Variants in SPATA33 observed in about 807,000 individuals in gnomAD.
SPATA33 encodes spermatogenesis-associated protein 33.
Under a neutral mutation model 8.9 loss-of-function variants are expected in SPATA33, and 10 were observed. The observed-to-expected ratio is 1.12, with a 90% CI of 0.69 to 1.90. The LOEUF (loss-of-function observed/expected upper bound fraction) is 1.90, where lower values mean the gene tolerates loss of function less well. Among genes scored for constraint, SPATA33 ranks in the 40% most tolerant of loss-of-function variants. The probability of loss-of-function intolerance (pLI) is 0.00; values close to 1 mark genes in which losing one functional copy is unlikely to be tolerated. For missense variants in SPATA33, 241 were observed against 178.3 expected (o/e 1.35, Z -2.00); for synonymous variants, 96 against 72.8 (o/e 1.32, Z -1.63).
rs541395243 is a variant in SPATA33 at position 89,669,457 on chromosome 16, C to T, written c.383C>T (p.Pro128Leu). ...DWGPYRRHRNPSTADAYNSHL... is the reference protein window; with the variant it reads ...DWGPYRRHRNLSTADAYNSHL... ...GGCCCCTACCGGCGGCACAGGAACCCCAGTACAGCAGACGCCTATAATTCA... is the reference window on the plus strand; with the variant it reads ...GGCCCCTACCGGCGGCACAGGAACCTCAGTACAGCAGACGCCTATAATTCA... The change falls in exon 3 of 3, where the codon CCC becomes CTC. Residue 128 changes from proline (P) to leucine (L), a missense_variant. Physicochemically the swap from Pro to Leu is moderately conservative, Grantham distance 98. Transcript: ENST00000579310. The T allele has an allele frequency of 6.2e-6, 10 of 1,613,680 alleles. No homozygotes were observed. The South Asian group carries it at 1.1e-4, about 18-fold the overall frequency.
At position 89,669,793 on chromosome 16, in the gene SPATA33, A is replaced by C. The variant is rs1407632561; in HGVS notation, c.*296A>C. 7.2e-6 allele frequency: 3 copies of C among 415,076 alleles called. No homozygotes were observed. Among genetic ancestry groups the C allele is most frequent in the Non-Finnish European group, 1.3e-5 (3 of 228,248 alleles). 25.7% of individuals were successfully genotyped at this position (415,076 alleles called of 1,614,324 possible). On this transcript the variant is annotated 3_prime_UTR_variant, in exon 3 of 3. Coordinates refer to ENST00000579310, the MANE Select transcript of SPATA33 (RefSeq NM_001271907.2). Reference sequence around the variant, plus strand: ...GTCCCCTTCTCCAGTGCTCTCGGGGAGGGTGCACCAGGCCCACCCCACCCT... The same window carrying C: ...GTCCCCTTCTCCAGTGCTCTCGGGGCGGGTGCACCAGGCCCACCCCACCCT...
At chr16:89,665,480 A>AT (rs1555513075) in intron 2 of SPATA33, among the ~76,000 whole-genome samples, 47,246 of 137,386 alleles carry the variant, frequency 0.34, 9,493 homozygotes, top group Middle Eastern at 0.65. Flanking sequence ...AATTTTTTGT[A>AT]TTTTTTTTTT....
At position 89,658,281 on chromosome 16, in the gene SPATA33, T is replaced by A; in HGVS notation, c.71T>A (p.Val24Asp). Residue 24 changes from valine to aspartate, a missense_variant, in exon 2 of 3, where the codon GTT (valine) becomes GAT (aspartate). By Grantham distance (152) the Val-to-Asp change is radical. Transcript: ENST00000579310. Reference protein sequence around the residue: ...EEQKKGSTYSVPKSKEKLMEK... With the variant: ...EEQKKGSTYSDPKSKEKLMEK... Reference sequence around the variant, plus strand: ...CAAAAGAAGGGATCCACCTATTCAGTTCCAAAATCTAAGGAGAAGTTGATG... The same window carrying A: ...CAAAAGAAGGGATCCACCTATTCAGATCCAAAATCTAAGGAGAAGTTGATG... The A allele has an allele frequency of 6.2e-7, 1 of 1,614,180 alleles. No homozygotes were observed. The highest frequency in any genetic ancestry group is 8.5e-7 in the Non-Finnish European group (1 of 1,180,036).
chr16:89,669,016 C>G (rs559725162), intron 2 of SPATA33, among the ~76,000 whole-genome samples: 1 of 152,148 alleles, frequency 6.6e-6, no homozygotes, highest in Non-Finnish European at 1.5e-5. Flanking sequence ...GCTGGTCGCC[C>G]TGACACCATC....
Position 89,658,263 on chromosome 16 carries a change from A to AGGG in SPATA33, c.54_56dup (p.Gly19dup), listed in dbSNP as rs1568008842. On this transcript the variant is annotated inframe_insertion, in exon 2 of 3. Coordinates refer to ENST00000579310, the MANE Select transcript of SPATA33 (RefSeq NM_001271907.2). ...TATATTTCAGGTGAGGAGCAAAAGA[A>AGGG]GGGATCCACCTATTCAGTTCCAAAA... is the stretch of plus-strand genomic sequence containing the variant. 3 of 1,614,190 alleles carry AGGG rather than the reference A, an allele frequency of 1.9e-6. No individual in the cohort carries two copies. In the Admixed American group the frequency reaches 5.0e-5, roughly 27 times the overall value.
intron 1 of SPATA33, 116 bp from the exon 2 acceptor site, chr16:89,658,132 A>G: frequency 6.5e-7 from 1 of 1,529,076 alleles, no homozygotes; most frequent in African/African-American, 1.4e-5. Flanking sequence ...GGAAACGCGG[A>G]GACTCGAGAC....
Position 89,669,517 on chromosome 16 carries a change from A to C in SPATA33, c.*20A>C. On this transcript the variant is annotated 3_prime_UTR_variant, in exon 3 of 3. Coordinates refer to ENST00000579310, the MANE Select transcript of SPATA33 (RefSeq NM_001271907.2). ...GAATAAACAAGCACCTTTGCATGGC[A>C]CTCGCTACTCCCTGCGATAGGCGTC... The C allele has an allele frequency of 6.2e-7, 1 of 1,607,708 alleles. No individual in the cohort carries two copies. The highest frequency in any genetic ancestry group is 2.2e-4 in the Middle Eastern group (1 of 4,448).
At chr16:89,659,971 G>A (rs1195917113) in intron 2 of SPATA33, 1 of 152,282 alleles carries the variant, frequency 6.6e-6, no homozygotes, top group Non-Finnish European at 1.5e-5. Context: ...CATCACCCTT[G>A]GGTGGCAGTT....
chr16:89,670,373 C>T lies in SPATA33; in HGVS notation c.*876C>T, dbSNP rs1217328071. On this transcript the variant is annotated 3_prime_UTR_variant, in exon 3 of 3. Coordinates refer to ENST00000579310, the MANE Select transcript of SPATA33 (RefSeq NM_001271907.2). ...GTCCTGCCTTCCCCAGAGCTGCTAG[C>T]AGCTCGGTCGAGGCAAGAGTGACTG... The T allele has an allele frequency of 6.6e-6, 1 of 152,518 alleles. No homozygotes were observed. Among genetic ancestry groups the T allele is most frequent in the Non-Finnish European group, 1.5e-5 (1 of 68,218 alleles). The allele number at this position is 152,518 out of a possible 1,614,324, so 9.4% of individuals were successfully genotyped here.
chr16:89,664,518 C>G (rs1019585949), intron 2 of SPATA33, among the ~76,000 whole-genome samples: 6 of 152,068 alleles, frequency 3.9e-5, no homozygotes, highest in Non-Finnish European at 7.3e-5. Flanking sequence ...ATGGGCCCGA[C>G]CTGATCAGGG....
At position 89,669,864 on chromosome 16, in the gene SPATA33, A is replaced by C. The variant is rs1297126475; in HGVS notation, c.*367A>C. On this transcript the variant is annotated 3_prime_UTR_variant, in exon 3 of 3. Coordinates refer to ENST00000579310, the MANE Select transcript of SPATA33 (RefSeq NM_001271907.2). ...TCTCCAATGCTCTCGGGGAGGGTACACCAGGGTTGCCCCACCCTGTGAGAA... is the reference window on the plus strand; with the variant it reads ...TCTCCAATGCTCTCGGGGAGGGTACCCCAGGGTTGCCCCACCCTGTGAGAA... 6 of 251,328 alleles carry C rather than the reference A, an allele frequency of 2.4e-5. No individual in the cohort carries two copies. Among genetic ancestry groups the C allele is most frequent in the Admixed American group, 1.1e-4 (2 of 18,880 alleles). 15.6% of individuals were successfully genotyped at this position (251,328 alleles called of 1,614,324 possible).
At chr16:89,658,086 G>A in intron 1 of SPATA33, 138 bp downstream of exon 1, 2 of 1,476,068 alleles carry the variant, frequency 1.4e-6, no homozygotes, top group Non-Finnish European at 8.9e-7. Context: ...CGCCGAGTCC[G>A]CCACGGACGG....
chr16:89,669,707 C>A lies in SPATA33; in HGVS notation c.*210C>A. On this transcript the variant is annotated 3_prime_UTR_variant, in exon 3 of 3. Coordinates refer to ENST00000579310, the MANE Select transcript of SPATA33 (RefSeq NM_001271907.2). ...GCCCCACCTTGTGAGAAGCCGTGGC[C>A]CCCTTCTCCAGTGCTCTCAGGGAGG... 1.7e-6 allele frequency: 1 copy of A among 589,274 alleles called. No homozygotes were observed. The highest frequency in any genetic ancestry group is 3.0e-6 in the Non-Finnish European group (1 of 334,392). 36.5% of individuals were successfully genotyped at this position (589,274 alleles called of 1,614,324 possible). A position where few individuals can be genotyped will look rare whatever the true frequency, so the allele number is the denominator to read the frequency against.
chr16:89,660,504 A>G lies in SPATA33; in HGVS notation c.211+2083A>G, dbSNP rs529039016. The G allele has an allele frequency of 3.5e-5, 43 of 1,231,944 alleles. No homozygotes were observed. In the African/African-American group the frequency reaches 5.6e-4, roughly 16 times the overall value. The allele number at this position is 1,231,944 out of a possible 1,614,324, so 76.3% of individuals were successfully genotyped here. On this transcript the variant is annotated intron_variant, in intron 2 of 2. Coordinates refer to ENST00000579310, the MANE Select transcript of SPATA33 (RefSeq NM_001271907.2). ...AGAGCAAGAGTGAGAACAGAGTTTC[A>G]GCAGATAAAATGAAGTGTGCACGCT...
intron 2 of SPATA33, among the ~76,000 whole-genome samples, chr16:89,666,013 A>G (rs1177213413): frequency 1.3e-5 from 2 of 152,132 alleles, no homozygotes; most frequent in East Asian, 1.9e-4. Context: ...CCTGGGAGGT[A>G]GAGGTTGTAG....
At chr16:89,658,172 G>A (rs1488582809) in intron 1 of SPATA33, 76 bp from the exon 2 acceptor site, 2 of 1,590,576 alleles carry the variant, frequency 1.3e-6, no homozygotes, top group Admixed American at 3.4e-5. Flanking sequence ...GACCCACGCA[G>A]GCGACTGAAG....
At chr16:89,659,915 A>AGGAGGGCGCAACCCCCCACC (rs1294152136) in intron 2 of SPATA33, 1 of 152,222 alleles carries the variant, frequency 6.6e-6, no homozygotes, top group African/African-American at 2.4e-5. Flanking sequence ...AACCCCTCAC[A>AGGAGGGCGCAACCCCCCACC]GGAGGGCGCA....
Position 89,669,336 on chromosome 16 carries a change from CAGAT to C in SPATA33, c.263_266del (p.Gln88ProfsTer11). 3 of 1,614,220 alleles carry C rather than the reference CAGAT, an allele frequency of 1.9e-6. No individual in the cohort carries two copies. Among genetic ancestry groups the C allele is most frequent in the Non-Finnish European group, 2.5e-6 (3 of 1,180,044 alleles). On this transcript the variant is annotated frameshift_variant, in exon 3 of 3. Coordinates refer to ENST00000579310, the MANE Select transcript of SPATA33 (RefSeq NM_001271907.2). LOFTEE classifies it low-confidence loss of function (END_TRUNC). ...CAGCAGGAAGAAAGTGGTCGTTCCA[CAGAT>C]CATCATCACGCGAGCGTCGAATGAG...
chr16:89,657,972 C>T, intron 1 of SPATA33, 24 bp downstream of exon 1: 2 of 1,506,044 alleles, frequency 1.3e-6, no homozygotes, highest in South Asian at 1.2e-5. Context: ...AGGCGCTGGG[C>T]TCCCCGCGTC....
Sources: allele counts gnomAD v4.1 joint callset (sites outside exome capture counted in the v4.1 genomes callset), GRCh38; gene constraint gnomAD v4.1.1; transcripts MANE v1.5; gene names NCBI Gene and HGNC (gene_info 2026-07-23, HGNC 2026-07-21).